Variants in ADSL observed in about 807,000 individuals in gnomAD.
The protein encoded by ADSL is adenylosuccinase.
ADSL carries 44 observed loss-of-function variants against 62.1 expected under a neutral mutation model. That is an observed-to-expected ratio of 0.71 (90% confidence interval 0.56 to 0.91). ADSL has a LOEUF of 0.91. Ranked by LOEUF, ADSL falls within the 40% of genes least tolerant of loss-of-function variation. The pLI is 0.00. For synonymous variants in ADSL, 198 were observed against 220.5 expected (o/e 0.90, Z 0.90); for missense variants, 531 against 627.4 (o/e 0.85, Z 1.64).
rs10854729 is a variant in ADSL, at chr22:40,354,608, T to C, written c.482+281T>C. 0.29 allele frequency among the ~76,000 whole-genome samples: 43,788 copies of C among 152,016 alleles called. 7,758 individuals carry two copies. The highest frequency in any genetic ancestry group is 0.47 in the African/African-American group (19,472 of 41,426). On this transcript the variant is annotated intron_variant, in intron 4 of 12. Coordinates refer to ENST00000623063, the MANE Select transcript of ADSL (RefSeq NM_000026.4). ...TAAATGGGCCGGGTGTGGTGGCTCATGCCTGTAAACCCACCATTTTGGGAG... is the reference window on the plus strand; with the variant it reads ...TAAATGGGCCGGGTGTGGTGGCTCACGCCTGTAAACCCACCATTTTGGGAG...
downstream of ADSL, chr22:40,373,668 T>A (rs1295416778): frequency 6.6e-6 from 1 of 152,260 alleles, no homozygotes; most frequent in Admixed American, 6.5e-5. Context: ...CAGGCTAGAG[T>A]GCAGTGGGGC....
At chr22:40,372,122 C>CTTTTTTTTTTTTT (rs58396730), downstream of ADSL, among the ~76,000 whole-genome samples, 3 of 65,202 alleles carry the variant, frequency 4.6e-5, no homozygotes, top group Non-Finnish European at 8.0e-5. Flanking sequence ...TCCCCCCCCC[C>CTTTTTTTTTTTTT]TTTTTTTTTT....
intron 2 of ADSL, among the ~76,000 whole-genome samples, chr22:40,378,666 C>T (rs186506971): frequency 1.1e-4 from 16 of 150,264 alleles, no homozygotes; most frequent in African/African-American, 3.2e-4. Context: ...GCGGAGGTTG[C>T]AGTGAGCTGA....
chr22:40,373,628 T>A (rs1948454232), downstream of ADSL: 1 of 152,224 alleles, frequency 6.6e-6, no homozygotes, highest in Non-Finnish European at 1.5e-5. Flanking sequence ...TTTGTTTTTG[T>A]TTTTTTGAGA....
At chr22:40,369,691 G>A (rs2045140612), downstream of ADSL, among the ~76,000 whole-genome samples, 2 of 151,876 alleles carry the variant, frequency 1.3e-5, no homozygotes, top group Admixed American at 6.6e-5. Context: ...TTTTTGTAGA[G>A]ACAGGGTCTC....
intron 2 of ADSL, among the ~76,000 whole-genome samples, chr22:40,352,540 AAAAG>A (rs749099657): frequency 6.6e-6 from 1 of 152,166 alleles, no homozygotes; most frequent in Non-Finnish European, 1.5e-5. Context: ...AAAAGAAAAA[AAAAG>A]AAAACGGGAG....
At chr22:40,353,872 C>T (rs1028043909) in intron 3 of ADSL, 6 of 316,546 alleles carry the variant, frequency 1.9e-5, no homozygotes, top group South Asian at 9.0e-5. Flanking sequence ...GTGATCCGCC[C>T]GTCTTGGCCT....
At chr22:40,358,337 A>G (rs566189567) in intron 4 of ADSL, among the ~76,000 whole-genome samples, 2 of 152,310 alleles carry the variant, frequency 1.3e-5, no homozygotes, top group East Asian at 1.9e-4. Flanking sequence ...TAATCCCAAC[A>G]CTTTGGAAGG....
At chr22:40,363,141 G>T in intron 10 of ADSL, 70 bp downstream of exon 10, 2 of 1,415,188 alleles carry the variant, frequency 1.4e-6, no homozygotes, top group Non-Finnish European at 2.0e-6. Context: ...GTGCTCTGGG[G>T]TGTGTTGAGG....
Position 40,364,866 on chromosome 22 carries a change from C to A in ADSL, c.1192-14C>A, listed in dbSNP as rs764588440. On this transcript the variant is annotated splice_polypyrimidine_tract_variant and intron_variant, in intron 11 of 12. Coordinates refer to ENST00000623063, the MANE Select transcript of ADSL (RefSeq NM_000026.4). ...TGTTAGTAGGGAACTGACAATACTT[C>A]ACTGTCTTCCCAGGATTGCCATGAG... The A allele has an allele frequency of 6.2e-7, 1 of 1,614,090 alleles. No individual in the cohort carries two copies. The highest frequency in any genetic ancestry group is 8.5e-7 in the Non-Finnish European group (1 of 1,179,934).
At chr22:40,364,585 A>G (rs2044927772) in intron 11 of ADSL, 11 of 650,486 alleles carry the variant, frequency 1.7e-5, no homozygotes, top group South Asian at 1.6e-4. Flanking sequence ...GTCCACTCCT[A>G]GTGAAGGAAT....
Position 40,361,503 on chromosome 22 carries a change from CAT to C in ADSL, c.882_883del (p.Tyr294Ter). 6.2e-7 allele frequency: 1 copy of C among 1,614,184 alleles called. No homozygotes were observed. Among genetic ancestry groups the C allele is most frequent in the Non-Finnish European group, 8.5e-7 (1 of 1,180,048 alleles). On this transcript the variant is annotated frameshift_variant, in exon 9 of 13. Transcript: ENST00000623063. LOFTEE classifies it high-confidence loss of function. ...ACATGGGCAGGCTCAAGTGCGATGC[CAT>C]ATAAGCGGAATCCCATGCGTTCAGA...
At chr22:40,382,818 CT>C (rs2047788217) in intron 2 of ADSL, among the ~76,000 whole-genome samples, 1 of 152,172 alleles carries the variant, frequency 6.6e-6, no homozygotes, top group Admixed American at 6.5e-5. Flanking sequence ...AACTTTTTCA[CT>C]TATTCTGCAG....
intron 3 of ADSL, 162 bp downstream of exon 3, chr22:40,353,279 C>G (rs1040955948): frequency 1.1e-5 from 8 of 710,642 alleles, no homozygotes; most frequent in Non-Finnish European, 2.1e-5. Flanking sequence ...ATTGTTTCTT[C>G]TTCTCCTTTC....
chr22:40,347,198 TGAACCTGGGTGCACTCCA>T (rs2044176374), intron 1 of ADSL: 2 of 163,984 alleles, frequency 1.2e-5, no homozygotes, highest in South Asian at 2.9e-4. Context: ...AACTGGGATT[TGAACCTGGGTGCACTCCA>T]GAGCCTGAGC....
chr22:40,374,010 G>A (rs946748708), downstream of ADSL, among the ~76,000 whole-genome samples: 12 of 151,804 alleles, frequency 7.9e-5, no homozygotes, highest in African/African-American at 2.9e-4. Flanking sequence ...GTGCAGTGGC[G>A]TGATCTCGGC....
chr22:40,347,771 G>C (rs560637511), intron 1 of ADSL, among the ~76,000 whole-genome samples: 1 of 152,332 alleles, frequency 6.6e-6, no homozygotes, highest in East Asian at 1.9e-4. Flanking sequence ...CAACCCTGAA[G>C]AGTAGGTATG....
chr22:40,377,212 C>T (rs1262551214), intron 2 of ADSL, among the ~76,000 whole-genome samples: 1 of 152,200 alleles, frequency 6.6e-6, no homozygotes, highest in East Asian at 1.9e-4. Context: ...AGGTGGTAGG[C>T]ACATGGCCCA....
chr22:40,367,900 A>G lies in ADSL; in HGVS notation c.*1378A>G, dbSNP rs753360675. 2.0e-5 allele frequency: 3 copies of G among 152,254 alleles called. No individual in the cohort carries two copies. The highest frequency in any genetic ancestry group is 2.9e-5 in the Non-Finnish European group (2 of 68,052). 9.4% of individuals were successfully genotyped at this position (152,254 alleles called of 1,614,324 possible). A position where few individuals can be genotyped will look rare whatever the true frequency, so the allele number is the denominator to read the frequency against. On this transcript the variant is annotated 3_prime_UTR_variant, in exon 13 of 13. Coordinates refer to ENST00000623063, the MANE Select transcript of ADSL (RefSeq NM_000026.4). Reference sequence around the variant, plus strand: ...TAAATAAGTTAATCTTAAACTCAGTATGCACCAGAACTGAGAGAAGACTGT... The same window carrying G: ...TAAATAAGTTAATCTTAAACTCAGTGTGCACCAGAACTGAGAGAAGACTGT...
Sources: gnomAD v4.1 joint callset for allele counts (sites outside exome capture counted in the v4.1 genomes callset) on GRCh38, gnomAD v4.1.1 for gene constraint, MANE v1.5 for transcripts, NCBI Gene and HGNC (gene_info 2026-07-23, HGNC 2026-07-21) for gene names.